The following ZC3H11A variants were observed in gnomAD, a reference collection of about 807,000 sequenced individuals.
The protein encoded by ZC3H11A is zinc finger CCCH domain-containing protein 11A.
ZC3H11A carries 22 observed loss-of-function variants against 90.8 expected under a neutral mutation model. The observed-to-expected ratio is 0.24, with a 90% CI of 0.17 to 0.35. ZC3H11A has a LOEUF of 0.35. Among genes scored for constraint, ZC3H11A ranks in the 10% least tolerant of loss-of-function variants. The pLI, the probability that ZC3H11A is intolerant of heterozygous loss-of-function variation, is 1.00. For synonymous variants in ZC3H11A, 294 were observed against 339.8 expected (o/e 0.87, Z 1.48); for missense variants, 701 against 964.9 (o/e 0.73, Z 3.62).
chr1:203,848,953 C>T (rs945746901), intron 14 of ZC3H11A, among the ~76,000 whole-genome samples: 1 of 152,234 alleles, frequency 6.6e-6, no homozygotes, highest in South Asian at 2.1e-4. Context: ...GGCATGATCT[C>T]GGTTCACTGC....
intron 3 of ZC3H11A, among the ~76,000 whole-genome samples, chr1:203,817,529 ACTTCTTT>A (rs1261997443): frequency 2.8e-5 from 4 of 145,408 alleles, no homozygotes; most frequent in Admixed American, 6.9e-5. Flanking sequence ...GTTGAATTTG[ACTTCTTT>A]CTTCTCCCAG....
chr1:203,797,546 A>G, intron 1 of ZC3H11A: 2 of 1,525,132 alleles, frequency 1.3e-6, no homozygotes, highest in Non-Finnish European at 1.7e-6. Flanking sequence ...CTCTAAGTGT[A>G]CCAGTTTCTT....
At chr1:203,822,865 C>T (rs1272718419) in intron 4 of ZC3H11A, among the ~76,000 whole-genome samples, 1 of 152,144 alleles carries the variant, frequency 6.6e-6, no homozygotes, top group Non-Finnish European at 1.5e-5. Context: ...CATCTGAATG[C>T]CTGTCTCCCT....
Position 203,847,417 on chromosome 1 carries a change from A to C in ZC3H11A, c.1276A>C (p.Lys426Gln), listed in dbSNP as rs751901625. The change falls in exon 13 of 18, where the codon AAA becomes CAA. Residue 426 changes from lysine to glutamine, a missense_variant. Around this residue, in one of 4 missense-constraint regions of ZC3H11A, gnomAD observed 530 missense variants for 696.2 expected, o/e 0.76. Coordinates refer to ENST00000367210, the MANE Select transcript of ZC3H11A (RefSeq NM_001376342.1). ...RQQEAERQKS[K>Q]KDTTCIKLKI... ...GCAGGAAGCAGAGAGACAAAAAAGC[A>C]AAAAGGATACAACTTGCATCAAGCT... is the stretch of plus-strand genomic sequence containing the variant. 6.2e-7 allele frequency: 1 copy of C among 1,614,010 alleles called. No individual in the cohort carries two copies. The highest frequency in any genetic ancestry group is 2.2e-5 in the East Asian group (1 of 44,894).
At chr1:203,826,366 TATTG>T (rs1235153217) in intron 4 of ZC3H11A, among the ~76,000 whole-genome samples, 5 of 148,842 alleles carry the variant, frequency 3.4e-5, no homozygotes, top group African/African-American at 9.9e-5. Flanking sequence ...AATAAATAAA[TATTG>T]ATTAATAATA....
intron 1 of ZC3H11A, chr1:203,798,200 T>C (rs752338318): frequency 4.6e-6 from 7 of 1,535,962 alleles, no homozygotes; most frequent in South Asian, 2.4e-5. Context: ...TAGATGATAA[T>C]AGAATGGGCA....
At chr1:203,850,115 G>A (rs1688912555) in intron 15 of ZC3H11A, 89 bp downstream of exon 15, 2 of 1,225,248 alleles carry the variant, frequency 1.6e-6, no homozygotes, top group African/African-American at 1.5e-5. Flanking sequence ...GGCAACAATT[G>A]GGTTGAATTT....
chr1:203,851,168 T>C lies in ZC3H11A; in HGVS notation c.2174+44T>C, dbSNP rs531939124. 83 of 1,575,894 alleles carry C rather than the reference T, an allele frequency of 5.3e-5. No individual in the cohort carries two copies. The South Asian group carries it at 8.7e-4, about 16-fold the overall frequency. ...TTCTAAACAAACTCCAGGCCCCTGT[T>C]ACTGTTTAGGCTCTCTAGAGAATAA... On this transcript the variant is annotated intron_variant, in intron 17 of 17. Coordinates refer to ENST00000367210, the MANE Select transcript of ZC3H11A (RefSeq NM_001376342.1).
At chr1:203,835,749 TC>T (rs1212253050) in intron 10 of ZC3H11A, 1 of 243,032 alleles carries the variant, frequency 4.1e-6, no homozygotes, top group Non-Finnish European at 9.1e-6. Context: ...CACTGTGTTG[TC>T]CTTTGCTTTG....
Position 203,848,398 on chromosome 1 carries a change from A to G in ZC3H11A, c.1614A>G (p.Glu538=). The change falls in exon 14 of 18, where the codon GAA becomes GAG. Residue 538 remains glutamate, a synonymous_variant. Coordinates refer to ENST00000367210, the MANE Select transcript of ZC3H11A (RefSeq NM_001376342.1). ...ATTCTCAGAGCAGTATTAGAACAGA[A>G]GCTAAAGAGGTAAATTTAAGATTAT... ...EVDSQSSIRT[E]AKEASGETTG... The G allele has an allele frequency of 6.2e-7, 1 of 1,606,896 alleles. No homozygotes were observed. Among genetic ancestry groups the G allele is most frequent in the Non-Finnish European group, 8.5e-7 (1 of 1,177,638 alleles).
chr1:203,819,206 A>G (rs1677509828), intron 4 of ZC3H11A, among the ~76,000 whole-genome samples: 1 of 144,186 alleles, frequency 6.9e-6, no homozygotes, highest in South Asian at 2.2e-4. Flanking sequence ...CCTCTATGCA[A>G]TTTTTTTTTC....
chr1:203,844,467 C>T (rs1386257109), intron 12 of ZC3H11A, among the ~76,000 whole-genome samples: 2 of 152,188 alleles, frequency 1.3e-5, no homozygotes, highest in Non-Finnish European at 2.9e-5. Flanking sequence ...CTGCGCCTGG[C>T]CTGCTCTGGG....
intron 14 of ZC3H11A, among the ~76,000 whole-genome samples, chr1:203,848,877 T>A (rs975604076): frequency 2.6e-5 from 4 of 152,142 alleles, no homozygotes; most frequent in Non-Finnish European, 4.4e-5. Flanking sequence ...GTAACCATCA[T>A]TATCTTTTCC....
At chr1:203,820,216 CAG>C (rs1290537103) in intron 4 of ZC3H11A, among the ~76,000 whole-genome samples, 1 of 147,380 alleles carries the variant, frequency 6.8e-6, no homozygotes, top group African/African-American at 2.5e-5. Context: ...GCCTGGGTGA[CAG>C]GGCGAGACTC....
chr1:203,820,303 C>G (rs1036064732), intron 4 of ZC3H11A, among the ~76,000 whole-genome samples: 7 of 151,630 alleles, frequency 4.6e-5, no homozygotes, highest in South Asian at 2.1e-4. Flanking sequence ...TTGTCTCCTT[C>G]TGTTGAGAGC....
At chr1:203,837,784 A>AC (rs1410888122) in intron 10 of ZC3H11A, among the ~76,000 whole-genome samples, 182 bp from the exon 11 acceptor site, 1 of 151,932 alleles carries the variant, frequency 6.6e-6, no homozygotes, top group Non-Finnish European at 1.5e-5. Flanking sequence ...TGCCTTCCTT[A>AC]CCTCTTTTCT....
At chr1:203,833,364 C>CAAA (rs34277550) in intron 9 of ZC3H11A, among the ~76,000 whole-genome samples, 10 of 71,134 alleles carry the variant, frequency 1.4e-4, no homozygotes, top group South Asian at 5.3e-4. Flanking sequence ...GACTCTGTCT[C>CAAA]AAAAAAAAAA....
rs1190775003 is a variant in ZC3H11A, at chr1:203,833,286, A to AC, written c.812-502dup. Among the ~76,000 whole-genome samples the AC allele has an allele frequency of 2.0e-5, 3 of 148,570 alleles. No homozygotes were observed. In the East Asian group the frequency reaches 6.1e-4, roughly 30 times the overall value. Reference sequence around the variant, plus strand: ...AGGCTGAGGCAGGAGAATCGCTTGAACCCGGGAGGTGGAGGTTGCAGTGAG... The same window carrying AC: ...AGGCTGAGGCAGGAGAATCGCTTGAACCCCGGGAGGTGGAGGTTGCAGTGAG... On this transcript the variant is annotated intron_variant, in intron 9 of 17. Transcript: ENST00000367210.
intron 4 of ZC3H11A, among the ~76,000 whole-genome samples, chr1:203,827,622 C>T (rs1024215522): frequency 6.6e-6 from 1 of 150,828 alleles, no homozygotes; most frequent in Non-Finnish European, 1.5e-5. Context: ...GCGGAGCTTG[C>T]AGTGAGCGGA....
Sources: allele counts gnomAD v4.1 joint callset (sites outside exome capture counted in the v4.1 genomes callset), GRCh38; gene constraint gnomAD v4.1.1; regional missense constraint gnomAD v4.1.1; transcripts MANE v1.5; gene names NCBI Gene and HGNC (gene_info 2026-07-23, HGNC 2026-07-21).